Variants in TEX36 observed in about 807,000 individuals in gnomAD.
TEX36 encodes testis expressed 36.
A neutral mutation model predicts 13.6 loss-of-function variants in TEX36; 12 were observed. That is an observed-to-expected ratio of 0.88 (90% CI 0.56 to 1.43). The LOEUF is 1.43. Among genes scored for constraint, TEX36 ranks in the 40% most tolerant of loss-of-function variants. The pLI is 0.00. For synonymous variants in TEX36, 93 were observed against 83.0 expected (o/e 1.12, Z -0.65); for missense variants, 224 against 228.3 (o/e 0.98, Z 0.12).
At chr10:125,642,842 G>T (rs190554548) in intron 3 of TEX36, among the ~76,000 whole-genome samples, 1 of 152,024 alleles carries the variant, frequency 6.6e-6, no homozygotes, top group Non-Finnish European at 1.5e-5. Context: ...GAATTTAATC[G>T]CATTGGTTGG....
At chr10:125,620,414 T>C (rs965069769), downstream of TEX36, among the ~76,000 whole-genome samples, 1 of 152,194 alleles carries the variant, frequency 6.6e-6, no homozygotes. Context: ...TTTTGTGAGT[T>C]TTCTGTTCAT....
chr10:125,590,194 A>T (rs908448796), intron 3 of TEX36, among the ~76,000 whole-genome samples: 7 of 151,832 alleles, frequency 4.6e-5, no homozygotes, highest in African/African-American at 1.7e-4. Flanking sequence ...GGATCACTGC[A>T]GTCTCCACCT....
chr10:125,640,957 C>A (rs1301269304), intron 3 of TEX36, among the ~76,000 whole-genome samples: 1 of 151,708 alleles, frequency 6.6e-6, no homozygotes, highest in Non-Finnish European at 1.5e-5. Flanking sequence ...CTTCCTCCCC[C>A]ACACCCATCT....
intron 3 of TEX36, among the ~76,000 whole-genome samples, chr10:125,631,629 C>A (rs999329212): frequency 6.6e-6 from 1 of 152,134 alleles, no homozygotes; most frequent in African/African-American, 2.4e-5. Context: ...ATGGATTGCA[C>A]CTGGGTCTTG....
chr10:125,666,935 TG>T, intron 1 of TEX36: 1 of 641,844 alleles, frequency 1.6e-6, no homozygotes. Flanking sequence ...TCTCACTGCT[TG>T]GGGTGTACTT....
intron 3 of TEX36, among the ~76,000 whole-genome samples, chr10:125,589,151 C>T (rs1424035812): frequency 6.6e-6 from 1 of 152,194 alleles, no homozygotes; most frequent in African/African-American, 2.4e-5. Context: ...TTTCTGAGAA[C>T]TACCCGTTTA....
chr10:125,615,871 CT>C (rs1024404934), intron 3 of TEX36, among the ~76,000 whole-genome samples: 20 of 152,278 alleles, frequency 1.3e-4, no homozygotes, highest in East Asian at 5.8e-4. Flanking sequence ...CCAGTTCCCC[CT>C]GGTACCTCTG....
chr10:125,648,123 A>G (rs913350584), intron 3 of TEX36, among the ~76,000 whole-genome samples: 3 of 152,240 alleles, frequency 2.0e-5, no homozygotes, highest in Admixed American at 6.5e-5. Context: ...GCAGACTTAA[A>G]TGTCCCTGTC....
At chr10:125,656,847 C>A (rs1312541118) in intron 3 of TEX36, among the ~76,000 whole-genome samples, 1 of 152,028 alleles carries the variant, frequency 6.6e-6, no homozygotes, top group Non-Finnish European at 1.5e-5. Flanking sequence ...CCTTCACTCC[C>A]AACACCCCCG....
At chr10:125,579,640 T>C (rs1219660434) in intron 3 of TEX36, among the ~76,000 whole-genome samples, 1 of 152,208 alleles carries the variant, frequency 6.6e-6, no homozygotes, top group Non-Finnish European at 1.5e-5. Context: ...AGGAGGGTCA[T>C]GATGGGAGGT....
intron 3 of TEX36, among the ~76,000 whole-genome samples, chr10:125,585,657 T>A (rs1337973552): frequency 6.6e-6 from 1 of 152,154 alleles, no homozygotes; most frequent in Non-Finnish European, 1.5e-5. Context: ...GAGAAAAGAA[T>A]CCTAACAAAC....
chr10:125,667,444 G>A (rs563741510), intron 1 of TEX36: 67 of 699,006 alleles, frequency 9.6e-5, no homozygotes, highest in South Asian at 3.7e-4. Context: ...AGGCCAGGAC[G>A]TTGGTATTTT....
At chr10:125,625,392 A>C (rs2133563169) in intron 3 of TEX36, among the ~76,000 whole-genome samples, 1 of 152,364 alleles carries the variant, frequency 6.6e-6, no homozygotes, top group South Asian at 2.1e-4. Flanking sequence ...GGGTTTGAGT[A>C]GAAGACAGAG....
chr10:125,586,473 T>C (rs907099240), intron 3 of TEX36, among the ~76,000 whole-genome samples: 1 of 152,028 alleles, frequency 6.6e-6, no homozygotes, highest in Non-Finnish European at 1.5e-5. Flanking sequence ...AATATATTCC[T>C]TAATGGGTTA....
intron 3 of TEX36, among the ~76,000 whole-genome samples, chr10:125,613,549 C>T (rs297229): frequency 0.24 from 35,998 of 148,790 alleles, 4,713 homozygotes; most frequent in African/African-American, 0.35. Context: ...TTTGTTCTTG[C>T]GATAGTTTAC....
intron 3 of TEX36, among the ~76,000 whole-genome samples, chr10:125,625,796 CG>C (rs1438190924): frequency 1.3e-5 from 2 of 152,248 alleles, no homozygotes; most frequent in African/African-American, 4.8e-5. Context: ...GAGCCACTTT[CG>C]TGGCAAATAC....
chr10:125,601,392 C>A (rs1037545885), intron 3 of TEX36, among the ~76,000 whole-genome samples: 1 of 152,268 alleles, frequency 6.6e-6, no homozygotes, highest in East Asian at 1.9e-4. Context: ...CTCTCCCAAC[C>A]TTTTAGCCAT....
intron 3 of TEX36, among the ~76,000 whole-genome samples, chr10:125,631,241 T>C (rs1261446873): frequency 6.6e-6 from 1 of 152,228 alleles, no homozygotes; most frequent in African/African-American, 2.4e-5. Context: ...TATAATTATC[T>C]GAGTACATCT....
At chr10:125,646,597 C>A (rs73377643) in intron 3 of TEX36, among the ~76,000 whole-genome samples, 3,133 of 152,092 alleles carry the variant, frequency 0.021, 105 homozygotes, top group African/African-American at 0.072. Context: ...CAAAAGCAAA[C>A]AACAGCAACA....
Sources: allele counts gnomAD v4.1 joint callset (sites outside exome capture counted in the v4.1 genomes callset), GRCh38; gene constraint gnomAD v4.1.1; transcripts MANE v1.5; gene names NCBI Gene and HGNC (gene_info 2026-07-23, HGNC 2026-07-21).